The following KDM5A variants were observed in gnomAD, a reference collection of about 807,000 sequenced individuals.
KDM5A encodes lysine demethylase 5A.
A neutral mutation model predicts 193.5 loss-of-function variants in KDM5A; 42 were observed. The observed-to-expected ratio is 0.22, with a 90% CI of 0.17 to 0.28. The LOEUF is 0.28. Ranked by LOEUF, KDM5A falls within the 10% of genes least tolerant of loss-of-function variation. The pLI is 1.00. For missense variants in KDM5A, 1,692 were observed against 2,055.1 expected (o/e 0.82, Z 3.42); for synonymous variants, 796 against 718.1 (o/e 1.11, Z -1.73).
intron 3 of KDM5A, among the ~76,000 whole-genome samples, chr12:375,627 T>G (rs1177680664): frequency 6.6e-6 from 1 of 152,242 alleles, no homozygotes; most frequent in Admixed American, 6.5e-5. Context: ...AGAAGCTGTG[T>G]TCCTTTGGCG....
rs1012657619 is a variant in KDM5A, at chr12:283,968, G to A, written c.*1488C>T. The A allele has an allele frequency of 3.0e-5, 7 of 233,318 alleles. No homozygotes were observed. The highest frequency in any genetic ancestry group is 1.5e-4 in the African/African-American group (7 of 45,314). 14.5% of individuals were successfully genotyped at this position (233,318 alleles called of 1,614,324 possible). A position where few individuals can be genotyped will look rare whatever the true frequency, so the allele number is the denominator to read the frequency against. On this transcript the variant is annotated 3_prime_UTR_variant, in exon 28 of 28. Transcript: ENST00000399788. ...TCACACACAAAAGAAAAAAGAGCCA[G>A]CACAGACTAGAGTGAGACCAAGTTT...
intron 24 of KDM5A, among the ~76,000 whole-genome samples, chr12:301,378 G>A (rs201946815): frequency 2.0e-5 from 3 of 152,100 alleles, no homozygotes; most frequent in Non-Finnish European, 4.4e-5. Flanking sequence ...TTCAACATAC[G>A]TGAATCAATA....
chr12:306,468 C>T (rs1236703168), intron 24 of KDM5A, among the ~76,000 whole-genome samples: 1 of 152,060 alleles, frequency 6.6e-6, no homozygotes, highest in African/African-American at 2.4e-5. Flanking sequence ...TCAGGCCTGG[C>T]GTGGTGGCTC....
At chr12:351,027 C>A (rs191417210) in intron 9 of KDM5A, among the ~76,000 whole-genome samples, 1 of 151,998 alleles carries the variant, frequency 6.6e-6, no homozygotes, top group African/African-American at 2.4e-5. Flanking sequence ...TTCCCAAGTA[C>A]GGACAAAGAT....
intron 20 of KDM5A, among the ~76,000 whole-genome samples, chr12:312,811 TTG>T (rs1943605047): frequency 6.6e-6 from 1 of 152,194 alleles, no homozygotes; most frequent in Non-Finnish European, 1.5e-5. Flanking sequence ...CTGCCCGGCA[TTG>T]TGAGAGAATG....
At chr12:300,472 T>C (rs1591901211) in intron 24 of KDM5A, among the ~76,000 whole-genome samples, 1 of 152,256 alleles carries the variant, frequency 6.6e-6, no homozygotes, top group Non-Finnish European at 1.5e-5. Flanking sequence ...ATAAAGACAT[T>C]CTTTGAAACC....
At chr12:286,093 GA>G in intron 27 of KDM5A, 1 of 450,124 alleles carries the variant, frequency 2.2e-6, no homozygotes, top group Non-Finnish European at 4.5e-6. Flanking sequence ...TTATTTCAAA[GA>G]GATAAGCCAA....
intron 5 of KDM5A, among the ~76,000 whole-genome samples, chr12:358,066 T>G (rs1460296630): frequency 6.6e-6 from 1 of 152,116 alleles, no homozygotes. Flanking sequence ...TGTGTGCTTA[T>G]GTGAAAAATT....
intron 18 of KDM5A, among the ~76,000 whole-genome samples, chr12:319,434 TAAAG>T (rs1943689713): frequency 6.6e-6 from 1 of 152,212 alleles, no homozygotes. Context: ...ATAAGGGAAA[TAAAG>T]AAATCAAGGA....
chr12:295,515 T>C, intron 26 of KDM5A, 58 bp downstream of exon 26: 2 of 1,503,792 alleles, frequency 1.3e-6, no homozygotes, highest in East Asian at 2.3e-5. Context: ...ATGATACCTC[T>C]AAGGAACCTA....
intron 24 of KDM5A, among the ~76,000 whole-genome samples, chr12:306,555 C>G (rs1328774058): frequency 3.3e-5 from 5 of 151,986 alleles, no homozygotes; most frequent in Non-Finnish European, 7.4e-5. Context: ...CCAGCCTGGC[C>G]AACATGACGA....
Position 352,328 on chromosome 12 carries a change from G to C in KDM5A, c.1030-4C>G. 1 of 1,612,640 alleles carries C rather than the reference G, an allele frequency of 6.2e-7. No individual in the cohort carries two copies. Among genetic ancestry groups the C allele is most frequent in the Non-Finnish European group, 8.5e-7 (1 of 1,178,770 alleles). On this transcript the variant is annotated splice_polypyrimidine_tract_variant and splice_region_variant and intron_variant, in intron 8 of 27. Transcript: ENST00000399788. ...CTTCTCGAGGTTTGCTACATTCCTG[G>C]AAAGAAAAAATATGTAAGATTAACT...
chr12:374,311 C>A (rs915525387), intron 3 of KDM5A, among the ~76,000 whole-genome samples: 1 of 152,144 alleles, frequency 6.6e-6, no homozygotes, highest in African/African-American at 2.4e-5. Flanking sequence ...CTTCTTGTTG[C>A]ATTGATCCCT....
Position 377,862 on chromosome 12 carries a change from A to C in KDM5A, c.366+6169T>G, listed in dbSNP as rs370815759. Among the ~76,000 whole-genome samples, 403 of 152,314 alleles carry C rather than the reference A, an allele frequency of 2.6e-3. 1 individual carries two copies. Among genetic ancestry groups the C allele is most frequent in the African/African-American group, 9.1e-3 (379 of 41,564 alleles). Reference sequence around the variant, plus strand: ...AAAAAACACCCAGTCAAGATTTGAGAGTAAAAAAGAATCCAGGAAGAATGG... The same window carrying C: ...AAAAAACACCCAGTCAAGATTTGAGCGTAAAAAAGAATCCAGGAAGAATGG... On this transcript the variant is annotated intron_variant, in intron 3 of 27. Coordinates refer to ENST00000399788, the MANE Select transcript of KDM5A (RefSeq NM_001042603.3).
At chr12:323,278 T>C (rs1943744549) in intron 15 of KDM5A, 72 bp from the exon 16 acceptor site, 2 of 1,363,170 alleles carry the variant, frequency 1.5e-6, no homozygotes, top group Non-Finnish European at 1.9e-6. Flanking sequence ...AACAATAACT[T>C]AAAAATAAAG....
At chr12:361,935 T>C (rs1944298340) in intron 5 of KDM5A, among the ~76,000 whole-genome samples, 1 of 152,122 alleles carries the variant, frequency 6.6e-6, no homozygotes, top group African/African-American at 2.4e-5. Flanking sequence ...GTCCCTGATC[T>C]GTAGAAAAGC....
intron 26 of KDM5A, 94 bp from the exon 27 acceptor site, chr12:293,263 G>A (rs940444856): frequency 3.2e-5 from 35 of 1,095,576 alleles, no homozygotes; most frequent in Non-Finnish European, 3.9e-5. Flanking sequence ...AGACACATTC[G>A]GAGAGACAGA....
intron 25 of KDM5A, 43 bp downstream of exon 25, chr12:296,998 G>GT: frequency 6.3e-7 from 1 of 1,594,612 alleles, no homozygotes. Context: ...TTTCTCATTG[G>GT]TTTTCTGCTT....
rs373590748 is a variant in KDM5A, at chr12:318,262, G to A, written c.2741C>T (p.Pro914Leu). ...LDEVRLTLSD[P>L]QQVTLDVMKK... is the part of the protein sequence containing the mutation. ...CATGACATCCAAAGTGACTTGTTGC[G>A]GATCTGATAAGGTCAGTCTTACTTC... The change falls in exon 19 of 28, where the codon CCG (proline) becomes CTG (leucine). Residue 914 changes from proline (P) to leucine (L), a missense_variant. Pro to Leu is a moderately conservative substitution (Grantham distance 98). Around this residue, in one of 11 missense-constraint regions of KDM5A, gnomAD observed 965 missense variants for 1,061.0 expected, o/e 0.91. Transcript: ENST00000399788. The A allele has an allele frequency of 2.9e-5, 47 of 1,614,110 alleles. No individual in the cohort carries two copies. In the African/African-American group the frequency reaches 3.1e-4, roughly 11 times the overall value.
Sources: gnomAD v4.1 joint callset for allele counts (sites outside exome capture counted in the v4.1 genomes callset) on GRCh38, gnomAD v4.1.1 for gene constraint, gnomAD v4.1.1 regional missense constraint, MANE v1.5 for transcripts, NCBI Gene and HGNC (gene_info 2026-07-23, HGNC 2026-07-21) for gene names.